The following DLG2 variants were observed in gnomAD, a reference collection of about 807,000 sequenced individuals.
DLG2 encodes the protein discs large MAGUK scaffold protein 2.
A neutral mutation model predicts 132.5 loss-of-function variants in DLG2; 45 were observed. That is an observed-to-expected ratio of 0.34 (90% CI 0.27 to 0.44). DLG2 has a LOEUF of 0.44. DLG2 is among the 20% of genes least tolerant of loss of function. The pLI is 1.00. For missense variants in DLG2, 1,045 were observed against 1,196.9 expected (o/e 0.87, Z 1.87); for synonymous variants, 424 against 419.6 (o/e 1.01, Z -0.13).
chr11:84,052,581 A>G (rs1476686419), intron 11 of DLG2, among the ~76,000 whole-genome samples: 1 of 151,978 alleles, frequency 6.6e-6, no homozygotes, highest in African/African-American at 2.4e-5. Flanking sequence ...TGCAGCCAAC[A>G]AACATATGAA....
chr11:84,403,634 T>C (rs1428382074), intron 7 of DLG2, among the ~76,000 whole-genome samples: 1 of 152,222 alleles, frequency 6.6e-6, no homozygotes, highest in Non-Finnish European at 1.5e-5. Flanking sequence ...AATCCTTCAA[T>C]GACGCCTACT....
At chr11:85,502,563 C>T (rs1250723866) in intron 3 of DLG2, among the ~76,000 whole-genome samples, 1 of 151,896 alleles carries the variant, frequency 6.6e-6, no homozygotes, top group Non-Finnish European at 1.5e-5. Context: ...GAAAACCAAA[C>T]ACCGCATGTT....
At chr11:85,483,987 C>G (rs1008059583) in intron 3 of DLG2, among the ~76,000 whole-genome samples, 1 of 146,926 alleles carries the variant, frequency 6.8e-6, no homozygotes, top group African/African-American at 2.5e-5. Context: ...TTCCAGGAGT[C>G]GGGTTGCTTG....
At chr11:84,923,399 C>G (rs2092851464) in intron 6 of DLG2, 1 of 1,079,234 alleles carries the variant, frequency 9.3e-7, no homozygotes. Flanking sequence ...GCTTTTCCTT[C>G]TAGCATTTTA....
At chr11:85,103,343 A>G (rs930553812) in intron 6 of DLG2, among the ~76,000 whole-genome samples, 4 of 151,894 alleles carry the variant, frequency 2.6e-5, no homozygotes, top group African/African-American at 9.7e-5. Flanking sequence ...CACACTACCA[A>G]ATTTCCAACT....
At chr11:84,945,191 C>G (rs1487943248) in intron 6 of DLG2, among the ~76,000 whole-genome samples, 1 of 152,130 alleles carries the variant, frequency 6.6e-6, no homozygotes, top group Non-Finnish European at 1.5e-5. Flanking sequence ...GGAAGGTTCT[C>G]CAATCCAAGT....
chr11:83,592,401 C>T (rs2097203753), intron 19 of DLG2, among the ~76,000 whole-genome samples: 1 of 148,138 alleles, frequency 6.8e-6, no homozygotes, highest in African/African-American at 2.5e-5. Flanking sequence ...GAAAGGATTC[C>T]CTATTTAATA....
intron 7 of DLG2, among the ~76,000 whole-genome samples, chr11:84,333,378 A>G (rs1241139276): frequency 1.3e-5 from 2 of 152,210 alleles, no homozygotes; most frequent in East Asian, 3.9e-4. Context: ...GACCACGTCA[A>G]CCATTGGGTT....
chr11:83,804,017 T>C (rs2045234576), intron 17 of DLG2, among the ~76,000 whole-genome samples: 1 of 152,150 alleles, frequency 6.6e-6, no homozygotes, highest in Admixed American at 6.6e-5. Context: ...CTGTTGCCCA[T>C]AATTACATCT....
At chr11:84,680,184 C>T (rs766014702) in intron 6 of DLG2, among the ~76,000 whole-genome samples, 2 of 152,164 alleles carry the variant, frequency 1.3e-5, no homozygotes, top group Non-Finnish European at 2.9e-5. Context: ...CTTCCTCCTC[C>T]TCAACAGACT....
chr11:85,618,953 C>A (rs17148254), intron 2 of DLG2, among the ~76,000 whole-genome samples: 28,906 of 152,064 alleles, frequency 0.19, 3,702 homozygotes, highest in African/African-American at 0.35. Flanking sequence ...TTAGCATATG[C>A]TTTGTACTCT....
At chr11:84,121,116 T>C (rs1222313954) in intron 9 of DLG2, among the ~76,000 whole-genome samples, 1 of 152,246 alleles carries the variant, frequency 6.6e-6, no homozygotes, top group African/African-American at 2.4e-5. Flanking sequence ...ACATGCTGGA[T>C]ATATACGGTG....
chr11:83,724,476 T>TGTGTGTGAGAGAGAGAGAGA (rs762050933), intron 18 of DLG2, among the ~76,000 whole-genome samples: 2 of 118,154 alleles, frequency 1.7e-5, no homozygotes, highest in Non-Finnish European at 3.6e-5. Context: ...TGTGTGTGTG[T>TGTGTGTGAGAGAGAGAGAGA]GAGAGAGAGA....
intron 4 of DLG2, among the ~76,000 whole-genome samples, chr11:85,273,671 T>C (rs7924587): frequency 0.063 from 9,568 of 152,284 alleles, 350 homozygotes; most frequent in East Asian, 0.099. Flanking sequence ...TGTAAACTAG[T>C]TCAACCATTG....
chr11:84,659,976 A>T (rs1438359334), intron 6 of DLG2, among the ~76,000 whole-genome samples: 1 of 152,142 alleles, frequency 6.6e-6, no homozygotes, highest in Non-Finnish European at 1.5e-5. Context: ...TCATGAGCAC[A>T]TTACTCTCCT....
Position 84,266,145 on chromosome 11 carries a change from A to G in DLG2, c.520-14854T>C, listed in dbSNP as rs2097628622. On this transcript the variant is annotated intron_variant, in intron 7 of 27. Transcript: ENST00000376104. ...ATTTTATAATGAGCAATACTGGAAT[A>G]CAAAGAAGGCACCCTGCACCTGGTG... is the stretch of plus-strand genomic sequence containing the variant. Among the ~76,000 whole-genome samples, 4 of 152,332 alleles carry G rather than the reference A, an allele frequency of 2.6e-5. No individual in the cohort carries two copies. The South Asian group carries it at 8.3e-4, about 32-fold the overall frequency.
At chr11:84,434,020 C>T (rs541432080) in intron 7 of DLG2, among the ~76,000 whole-genome samples, 6 of 149,814 alleles carry the variant, frequency 4.0e-5, no homozygotes, top group Admixed American at 1.3e-4. Flanking sequence ...CGGAAGGCTG[C>T]GGTGGGAGGA....
intron 8 of DLG2, among the ~76,000 whole-genome samples, chr11:84,246,475 A>G (rs2097303642): frequency 6.6e-6 from 1 of 152,224 alleles, no homozygotes; most frequent in Non-Finnish European, 1.5e-5. Flanking sequence ...AGTGATGCTG[A>G]CAATTCAGAA....
At chr11:85,417,695 T>C (rs1179308287) in intron 3 of DLG2, among the ~76,000 whole-genome samples, 1 of 152,228 alleles carries the variant, frequency 6.6e-6, no homozygotes, top group African/African-American at 2.4e-5. Context: ...GTCCAGGAAT[T>C]TATCCATTTC....
Sources: allele counts gnomAD v4.1 joint callset (sites outside exome capture counted in the v4.1 genomes callset), GRCh38; gene constraint gnomAD v4.1.1; transcripts MANE v1.5; gene names NCBI Gene and HGNC (gene_info 2026-07-23, HGNC 2026-07-21).